CDK16: variants seen among roughly 807,000 people sequenced by gnomAD.
CDK16 encodes cyclin dependent kinase 16, also known as cyclin-dependent kinase 16.
CDK16 carries 2 observed loss-of-function variants against 41.6 expected under a neutral mutation model. The ratio of observed to expected loss-of-function variants is 0.05; its 90% confidence interval spans 0.02 to 0.15. CDK16 has a LOEUF of 0.15. Ranked by LOEUF, CDK16 falls within the 10% of genes least tolerant of loss-of-function variation. The pLI is 1.00. For missense variants in CDK16, 228 were observed against 428.9 expected (o/e 0.53, Z 4.14); for synonymous variants, 169 against 169.7 (o/e 1.00, Z 0.03).
At position 47,219,043 on chromosome X, in the gene CDK16, CCGCCGCCCCAGG is replaced by C. The variant is rs1200569883; in HGVS notation, c.-61_-50del. ...GGAGGTCGCGCGGCCTCATCCCGGG[CCGCCGCCCCAGG>C]CGCCGCCGCGCCGGCCCCGCGGCTC... is the stretch of plus-strand genomic sequence containing the variant. On this transcript the variant is annotated 5_prime_UTR_variant, in exon 1 of 16. Transcript: ENST00000357227. 1.2e-6 allele frequency: 1 copy of C among 827,100 alleles called. No homozygotes were observed. Among genetic ancestry groups the C allele is most frequent in the Non-Finnish European group, 1.5e-6 (1 of 688,193 alleles). The allele number at this position is 827,100 out of a possible 1,213,427, so 68.2% of individuals were successfully genotyped here. A position where few individuals can be genotyped will look rare whatever the true frequency, so the allele number is the denominator to read the frequency against.
Position 47,219,524 on chromosome X carries a change from C to T in CDK16, c.-7+419C>T, listed in dbSNP as rs1353837462. 2.8e-5 allele frequency among the ~76,000 whole-genome samples: 3 copies of T among 106,907 alleles called. No homozygotes were observed. In the Admixed American group the frequency reaches 3.0e-4, roughly 11 times the overall value. The allele number at this position is 106,907 out of a possible 115,157, so 92.8% of individuals were successfully genotyped here. A position where few individuals can be genotyped will look rare whatever the true frequency, so the allele number is the denominator to read the frequency against. The stretch of plus-strand genomic sequence containing the variant: ...GGGTGAGGGACCCGAGGGTGTATAA[C>T]GGGGGGTAGGGTGTCGAGGAAGTTC... On this transcript the variant is annotated intron_variant, in intron 1 of 15. Transcript: ENST00000357227.
Position 47,223,631 on chromosome X carries a change from A to T in CDK16, c.74A>T (p.Asn25Ile). The T allele has an allele frequency of 8.3e-7, 1 of 1,211,255 alleles. No homozygotes were observed. Among genetic ancestry groups the T allele is most frequent in the South Asian group, 1.8e-5 (1 of 56,960 alleles). ...GGTGGCCGAGGCATAGACAAGACCAATGGTGCCCCTGAGCAGATAGGCCTG... is the reference window on the plus strand; with the variant it reads ...GGTGGCCGAGGCATAGACAAGACCATTGGTGCCCCTGAGCAGATAGGCCTG... ...LRGGRGIDKT[N>I]GAPEQIGLDE... is the part of the protein sequence containing the mutation. The change falls in exon 2 of 16, where the codon AAT (asparagine) becomes ATT (isoleucine). Residue 25 changes from asparagine (N) to isoleucine (I), a missense_variant. By Grantham distance (149) the Asn-to-Ile change is moderately radical. Transcript: ENST00000357227.
In CDK16 at chrX:47,228,724, C is replaced by G. The variant is rs1014500160; in HGVS notation, c.1454-7C>G. ...CCAACAGCCATCTGCTCTGCTTTCC[C>G]CCACAGGCAGGCCAGCTTTCCGCGT... On this transcript the variant is annotated splice_polypyrimidine_tract_variant and splice_region_variant and intron_variant, in intron 15 of 15. Transcript: ENST00000357227. 9.9e-6 allele frequency: 12 copies of G among 1,208,201 alleles called. No individual in the cohort carries two copies. Among genetic ancestry groups the G allele is most frequent in the Non-Finnish European group, 1.2e-5 (11 of 893,888 alleles).
rs1304842177 is a variant in CDK16 at position 47,226,610 on chromosome X, C to T, written c.944C>T (p.Thr315Ile). ...CTGGCCCGAGCCAAGTCAATCCCAA[C>T]AAAGACATACTCCAATGAGGTGGTG... Reference protein sequence around the residue: ...FGLARAKSIPTKTYSNEVVTL... With the variant: ...FGLARAKSIPIKTYSNEVVTL... Residue 315 changes from threonine (T) to isoleucine (I), a missense_variant, in exon 10 of 16, where the codon ACA (threonine) becomes ATA (isoleucine). Physicochemically the swap from Thr to Ile is moderately conservative, Grantham distance 89. Around this residue, in one of 3 missense-constraint regions of CDK16, gnomAD observed 66 missense variants for 197.2 expected, o/e 0.33. Coordinates refer to ENST00000357227, the MANE Select transcript of CDK16 (RefSeq NM_006201.5). The T allele has an allele frequency of 1.7e-6, 2 of 1,211,758 alleles. No individual in the cohort carries two copies. Among genetic ancestry groups the T allele is most frequent in the South Asian group, 3.5e-5 (2 of 56,968 alleles).
chrX:47,223,511 T>C (rs377023226), intron 1 of CDK16, 41 bp from the exon 2 acceptor site: 172 of 1,165,986 alleles, frequency 1.5e-4, no homozygotes, highest in Admixed American at 1.8e-4. Context: ...ATCAAGCAAA[T>C]GCTAATAAGA....
Position 47,223,581 on chromosome X carries a change from A to G in CDK16, c.24A>G (p.Lys8=). The G allele has an allele frequency of 8.3e-7, 1 of 1,211,470 alleles. No homozygotes were observed. The highest frequency in any genetic ancestry group is 1.1e-6 in the Non-Finnish European group (1 of 895,224). MDRMKKI[K]RQLSMTLRGG... Reference sequence around the variant, plus strand: ...CCATGGATCGGATGAAGAAGATCAAACGGCAGCTGTCAATGACACTCCGAG... The same window carrying G: ...CCATGGATCGGATGAAGAAGATCAAGCGGCAGCTGTCAATGACACTCCGAG... The change falls in exon 2 of 16, where the codon AAA becomes AAG. Residue 8 remains lysine (K), a synonymous_variant. Transcript: ENST00000357227.
At chrX:47,222,970 C>CCCGG in intron 1 of CDK16, 1 of 875,928 alleles carries the variant, frequency 1.1e-6, no homozygotes, top group Non-Finnish European at 1.5e-6. Flanking sequence ...CCCCCCCCAC[C>CCCGG]TGGGTAGATG....
At chrX:47,225,696 C>T in intron 6 of CDK16, 76 bp from the exon 7 acceptor site, 1 of 767,872 alleles carries the variant, frequency 1.3e-6, no homozygotes, top group Non-Finnish European at 2.0e-6. Context: ...TTGTCCCTTT[C>T]TAGTCCTTGT....
At position 47,224,907 on chromosome X, in the gene CDK16, A is replaced by G. The variant is rs1446463079; in HGVS notation, c.519+17A>G. The G allele has an allele frequency of 7.5e-6, 9 of 1,207,056 alleles. No homozygotes were observed. Among genetic ancestry groups the G allele is most frequent in the Non-Finnish European group, 1.0e-5 (9 of 893,076 alleles). On this transcript the variant is annotated intron_variant, in intron 5 of 15. Coordinates refer to ENST00000357227, the MANE Select transcript of CDK16 (RefSeq NM_006201.5). Reference sequence around the variant, plus strand: ...CTGGGCGAGGTGAGAGGCAAATAGGAGGCCCATGGTGGGGATGAAGGTCAG... The same window carrying G: ...CTGGGCGAGGTGAGAGGCAAATAGGGGGCCCATGGTGGGGATGAAGGTCAG...
chrX:47,219,108 G>T lies in CDK16; in HGVS notation c.-7+3G>T. ...AGGTTGCTCGCGCGCCCCCGCCGGT[G>T]AGCGCGTCCCCGAGGCGTGGAGGCT... On this transcript the variant is annotated splice_donor_region_variant and intron_variant, in intron 1 of 15. Coordinates refer to ENST00000357227, the MANE Select transcript of CDK16 (RefSeq NM_006201.5). 1 of 814,563 alleles carries T rather than the reference G, an allele frequency of 1.2e-6. No individual in the cohort carries two copies. 67.1% of individuals were successfully genotyped at this position (814,563 alleles called of 1,213,427 possible).
rs201700260 is a variant in CDK16 at position 47,227,069 on chromosome X, G to C, written c.1211G>C (p.Arg404Pro). 2 of 1,210,262 alleles carry C rather than the reference G, an allele frequency of 1.7e-6. No homozygotes were observed. Among genetic ancestry groups the C allele is most frequent in the African/African-American group, 3.5e-5 (2 of 57,285 alleles). The change falls in exon 12 of 16, where the codon CGA (arginine) becomes CCA (proline). Residue 404 changes from arginine to proline, a missense_variant. By Grantham distance (103) the Arg-to-Pro change is moderately radical. Transcript: ENST00000357227. Reference sequence around the variant, plus strand: ...AAGACATACAACTACCCCAAGTACCGAGCCGAGGCCCTTTTGAGCCACGCA... The same window carrying C: ...AAGACATACAACTACCCCAAGTACCCAGCCGAGGCCCTTTTGAGCCACGCA... Reference protein sequence around the residue: ...EFKTYNYPKYRAEALLSHAPR... With the variant: ...EFKTYNYPKYPAEALLSHAPR...
chrX:47,225,363 A>G (rs894562415), intron 6 of CDK16, among the ~76,000 whole-genome samples: 14 of 112,206 alleles, frequency 1.2e-4, no homozygotes, highest in African/African-American at 4.2e-4. Context: ...TACTGTAACA[A>G]TTTCTAGTCA....
At position 47,224,466 on chromosome X, in the gene CDK16, C is replaced by A; in HGVS notation, c.284C>A (p.Ser95Tyr). 1 of 1,207,245 alleles carries A rather than the reference C, an allele frequency of 8.3e-7. No individual in the cohort carries two copies. The highest frequency in any genetic ancestry group is 1.1e-6 in the Non-Finnish European group (1 of 892,985). Reference protein sequence around the residue: ...ASATSSDEVQSPVRVRMRNHP... With the variant: ...ASATSSDEVQYPVRVRMRNHP... ...GCCACGTCCTCGGATGAGGTGCAGT[C>A]TCCAGTGAGAGTGCGTATGCGCAAC... The change falls in exon 3 of 16, where the codon TCT becomes TAT. Residue 95 changes from serine (S) to tyrosine (Y), a missense_variant. Physicochemically the swap from Ser to Tyr is moderately radical, Grantham distance 144 (BLOSUM62 -2). Coordinates refer to ENST00000357227, the MANE Select transcript of CDK16 (RefSeq NM_006201.5).
intron 4 of CDK16, 34 bp from the exon 5 acceptor site, chrX:47,224,800 G>A (rs747076174): frequency 5.8e-6 from 7 of 1,211,123 alleles, no homozygotes; most frequent in Non-Finnish European, 7.8e-6. Flanking sequence ...CCCTTCTCCT[G>A]AGCCAGCTTT....
Position 47,218,785 on chromosome X carries a change from T to A in CDK16, c.-327T>A. ...CCTGGGATCCGCCGCCACTCCGCGATCAGACCGCTCTGTGCCGCGAGCCGC... is the reference window on the plus strand; with the variant it reads ...CCTGGGATCCGCCGCCACTCCGCGAACAGACCGCTCTGTGCCGCGAGCCGC... On this transcript the variant is annotated 5_prime_UTR_variant, in exon 1 of 16. Coordinates refer to ENST00000357227, the MANE Select transcript of CDK16 (RefSeq NM_006201.5). 8.7e-7 allele frequency: 1 copy of A among 1,152,866 alleles called. No homozygotes were observed. Among genetic ancestry groups the A allele is most frequent in the African/African-American group, 1.8e-5 (1 of 55,874 alleles).
chrX:47,219,048 GC>G lies in CDK16; in HGVS notation c.-60del. 1.2e-6 allele frequency: 1 copy of G among 822,507 alleles called. No individual in the cohort carries two copies. 67.8% of individuals were successfully genotyped at this position (822,507 alleles called of 1,213,427 possible). A position where few individuals can be genotyped will look rare whatever the true frequency, so the allele number is the denominator to read the frequency against. ...TCGCGCGGCCTCATCCCGGGCCGCCGCCCCAGGCGCCGCCGCGCCGGCCCCG... is the reference window on the plus strand; with the variant it reads ...TCGCGCGGCCTCATCCCGGGCCGCCGCCCAGGCGCCGCCGCGCCGGCCCCG... On this transcript the variant is annotated 5_prime_UTR_variant, in exon 1 of 16. The change abolishes the stop of an existing upstream ORF in the 5' untranslated region. Transcript: ENST00000357227.
At position 47,228,702 on chromosome X, in the gene CDK16, A is replaced by G. The variant is rs750780385; in HGVS notation, c.1454-29A>G. The G allele has an allele frequency of 2.3e-5, 28 of 1,208,520 alleles. No homozygotes were observed. The South Asian group carries it at 4.4e-4, about 19-fold the overall frequency. ...CACCCACCTACCTGCTTACCCACCA[A>G]CAGCCATCTGCTCTGCTTTCCCCCA... On this transcript the variant is annotated intron_variant, in intron 15 of 15. Coordinates refer to ENST00000357227, the MANE Select transcript of CDK16 (RefSeq NM_006201.5).
At chrX:47,219,194 C>A in intron 1 of CDK16, 89 bp downstream of exon 1, 1 of 753,820 alleles carries the variant, frequency 1.3e-6, no homozygotes, top group Non-Finnish European at 1.6e-6. Context: ...GCGGGGCTGG[C>A]AGGTGCCCCC....
At chrX:47,221,867 C>G (rs1364270347) in intron 1 of CDK16, among the ~76,000 whole-genome samples, 4 of 111,576 alleles carry the variant, frequency 3.6e-5, no homozygotes, top group African/African-American at 1.3e-4. Flanking sequence ...CACCTGATTT[C>G]AAGGTAGCAG....
Sources: allele counts gnomAD v4.1 joint callset (sites outside exome capture counted in the v4.1 genomes callset), GRCh38; gene constraint gnomAD v4.1.1; regional missense constraint gnomAD v4.1.1; transcripts MANE v1.5; gene names NCBI Gene and HGNC (gene_info 2026-07-23, HGNC 2026-07-21).